Variants in HTR1F observed in about 807,000 individuals in gnomAD.
HTR1F encodes 5-hydroxytryptamine receptor 1F.
In HTR1F, 17 loss-of-function variants were observed where a neutral mutation model predicts 24.0. That is an observed-to-expected ratio of 0.71 (90% CI 0.48 to 1.06). The LOEUF is 1.06. Ranked by LOEUF, HTR1F falls within the 50% of genes least tolerant of loss-of-function variation. The pLI is 0.00. For missense variants in HTR1F, 391 were observed against 427.8 expected, an observed-to-expected ratio of 0.91 and a Z score of 0.76; for synonymous variants, 186 against 156.8, an observed-to-expected ratio of 1.19 and a Z score of -1.39.
In HTR1F at chr3:87,934,026, G is replaced by T. The variant is rs578215040; in HGVS notation, c.-42-56682G>T. Among the ~76,000 whole-genome samples, 51 of 152,204 alleles carry T rather than the reference G, an allele frequency of 3.4e-4. No homozygotes were observed. The East Asian group carries it at 9.5e-3, about 28-fold the overall frequency. The stretch of plus-strand genomic sequence containing the variant: ...TCCAGTCCCTGGGAAAACTGTTCCT[G>T]CTGTATGTCACTTCATAATATCTGG... On this transcript the variant is annotated intron_variant, in intron 2 of 2. Transcript: ENST00000319595.
At chr3:87,932,819 T>C (rs541351384) in intron 2 of HTR1F, among the ~76,000 whole-genome samples, 34 of 151,724 alleles carry the variant, frequency 2.2e-4, no homozygotes, top group African/African-American at 6.1e-4. Flanking sequence ...TTCCAATCAA[T>C]AGAAAAAGAG....
At chr3:87,906,631 G>T (rs1703673015) in intron 2 of HTR1F, among the ~76,000 whole-genome samples, 1 of 151,656 alleles carries the variant, frequency 6.6e-6, no homozygotes, top group African/African-American at 2.4e-5. Flanking sequence ...AGATTTTGGT[G>T]CACCCATCAA....
At chr3:87,874,114 G>T (rs969424981) in intron 2 of HTR1F, among the ~76,000 whole-genome samples, 1 of 151,958 alleles carries the variant, frequency 6.6e-6, no homozygotes, top group East Asian at 1.9e-4. Context: ...CATGATAATG[G>T]AGTTCCTAGC....
At chr3:87,871,686 T>A (rs146568003) in intron 2 of HTR1F, among the ~76,000 whole-genome samples, 2 of 152,122 alleles carry the variant, frequency 1.3e-5, no homozygotes, top group African/African-American at 4.8e-5. Flanking sequence ...TCATGACATA[T>A]AATGGAGCTC....
At chr3:87,942,677 C>G (rs1380010957) in intron 2 of HTR1F, among the ~76,000 whole-genome samples, 2 of 151,920 alleles carry the variant, frequency 1.3e-5, no homozygotes, top group Non-Finnish European at 2.9e-5. Context: ...ATTTGCCCAG[C>G]TTTTCCCTTT....
chr3:87,971,651 C>G (rs550583255), intron 2 of HTR1F, among the ~76,000 whole-genome samples: 23 of 152,298 alleles, frequency 1.5e-4, no homozygotes, highest in African/African-American at 5.5e-4. Flanking sequence ...TCCTTAGACA[C>G]ACATTCCTTG....
Position 87,820,839 on chromosome 3 carries a change from G to A in HTR1F, c.-159-1169G>A, listed in dbSNP as rs139427035. Among the ~76,000 whole-genome samples, 121 of 152,220 alleles carry A rather than the reference G, an allele frequency of 7.9e-4. 1 individual carries two copies. Among genetic ancestry groups the A allele is most frequent in the Admixed American group, 4.9e-3 (75 of 15,298 alleles). On this transcript the variant is annotated intron_variant, in intron 1 of 2. Coordinates refer to ENST00000319595, the MANE Select transcript of HTR1F (RefSeq NM_001322209.2). ...CAATGGCATTTATAACCTTATTTAT[G>A]TTTTGTAAAGTTCTGCATGACTATT...
intron 2 of HTR1F, among the ~76,000 whole-genome samples, chr3:87,843,671 C>A (rs1227757107): frequency 1.1e-5 from 1 of 89,602 alleles, no homozygotes; most frequent in East Asian, 3.5e-4. Context: ...CAGTGCTATC[C>A]CTCCCCCTCC....
At position 87,816,199 on chromosome 3, in the gene HTR1F, A is replaced by G. The variant is rs1371724829; in HGVS notation, c.-159-5809A>G. The stretch of plus-strand genomic sequence containing the variant: ...CAGTAACCTCCAAATTGATAAATCC[A>G]TAAAACAATCTTCAGCCCTCATCCT... On this transcript the variant is annotated intron_variant, in intron 1 of 2. Transcript: ENST00000319595. Among the ~76,000 whole-genome samples the G allele has an allele frequency of 7.9e-5, 12 of 152,218 alleles. 1 individual carries two copies. The South Asian group carries it at 2.1e-3, about 26-fold the overall frequency.
intron 1 of HTR1F, among the ~76,000 whole-genome samples, chr3:87,817,468 G>A (rs76476631): frequency 6.6e-6 from 1 of 152,070 alleles, no homozygotes; most frequent in East Asian, 1.9e-4. Flanking sequence ...GAAAAGTCAG[G>A]CAACAGTTCT....
At chr3:87,977,556 G>A (rs1467965480) in intron 2 of HTR1F, among the ~76,000 whole-genome samples, 2 of 150,862 alleles carry the variant, frequency 1.3e-5, no homozygotes, top group African/African-American at 4.9e-5. Context: ...CCGCCAGCAC[G>A]CCCAGCTAAT....
At chr3:87,830,271 C>T (rs1328374166) in intron 2 of HTR1F, among the ~76,000 whole-genome samples, 1 of 152,056 alleles carries the variant, frequency 6.6e-6, no homozygotes, top group Non-Finnish European at 1.5e-5. Context: ...AAAGGTAGAA[C>T]AGTTTTCCTC....
intron 2 of HTR1F, among the ~76,000 whole-genome samples, chr3:87,989,771 T>G (rs1488827740): frequency 6.6e-6 from 1 of 152,078 alleles, no homozygotes; most frequent in African/African-American, 2.4e-5. Flanking sequence ...AAACCGAGGG[T>G]CAGGCTGCTA....
intron 2 of HTR1F, among the ~76,000 whole-genome samples, chr3:87,848,656 G>T (rs1705004548): frequency 6.6e-6 from 1 of 151,728 alleles, no homozygotes; most frequent in African/African-American, 2.4e-5. Context: ...AGGAAAAGAG[G>T]AAGTCAAATT....
intron 2 of HTR1F, among the ~76,000 whole-genome samples, chr3:87,920,275 T>C (rs190920838): frequency 6.6e-6 from 1 of 151,836 alleles, no homozygotes; most frequent in East Asian, 1.9e-4. Context: ...GGGTGAGGGA[T>C]AAAAGACTAC....
intron 2 of HTR1F, among the ~76,000 whole-genome samples, chr3:87,961,518 T>C (rs1372962533): frequency 6.6e-6 from 1 of 152,016 alleles, no homozygotes; most frequent in East Asian, 1.9e-4. Context: ...TCCCAGCATG[T>C]TGGGAGGCCT....
At chr3:87,921,134 A>C (rs559481484) in intron 2 of HTR1F, among the ~76,000 whole-genome samples, 1 of 152,062 alleles carries the variant, frequency 6.6e-6, no homozygotes, top group East Asian at 1.9e-4. Context: ...CTATTGCTAG[A>C]GGTTGGGGGT....
At chr3:87,987,753 G>A (rs1326750113) in intron 2 of HTR1F, among the ~76,000 whole-genome samples, 7 of 131,144 alleles carry the variant, frequency 5.3e-5, no homozygotes, top group East Asian at 2.1e-4. Flanking sequence ...TAAAATATAT[G>A]TATTATATAT....
intron 2 of HTR1F, among the ~76,000 whole-genome samples, chr3:87,961,361 A>C (rs1337593186): frequency 6.6e-6 from 1 of 152,110 alleles, no homozygotes; most frequent in African/African-American, 2.4e-5. Flanking sequence ...CAAAGGAGGA[A>C]GCCAAAAAGT....
Sources: gnomAD v4.1 joint callset for allele counts (sites outside exome capture counted in the v4.1 genomes callset) on GRCh38, gnomAD v4.1.1 for gene constraint, MANE v1.5 for transcripts, NCBI Gene and HGNC (gene_info 2026-07-23, HGNC 2026-07-21) for gene names.